The following PHEX variants were observed in gnomAD, a reference collection of about 807,000 sequenced individuals.
The protein encoded by PHEX is phosphate-regulating neutral endopeptidase PHEX.
Under a neutral mutation model 68.0 loss-of-function variants are expected in PHEX, and 16 were observed. The ratio of observed to expected loss-of-function variants is 0.24; its 90% CI spans 0.16 to 0.36. PHEX has a LOEUF of 0.36. Among genes scored for constraint, PHEX ranks in the 10% least tolerant of loss-of-function variants. The pLI, the probability that PHEX is intolerant of heterozygous loss-of-function variation, is 1.00. For missense variants in PHEX, 480 were observed against 575.5 expected, an observed-to-expected ratio of 0.83 and a Z score of 1.70; for synonymous variants, 208 against 205.1, an observed-to-expected ratio of 1.01 and a Z score of -0.12.
Position 22,154,694 on chromosome X carries a change from C to T in PHEX, c.1405-13618C>T, listed in dbSNP as rs1173277933. 1.8e-5 allele frequency among the ~76,000 whole-genome samples: 2 copies of T among 111,541 alleles called. 1 individual carries two copies. The highest frequency in any genetic ancestry group is 6.5e-5 in the African/African-American group (2 of 30,685). ...CTCATTATAATGCAGATTCCTGGGT[C>T]CCAGTTCAGAAGCATTCTAACTCAA... On this transcript the variant is annotated intron_variant, in intron 12 of 21. Transcript: ENST00000379374.
At chrX:22,191,804 C>T in intron 15 of PHEX, among the ~76,000 whole-genome samples, 1 of 112,079 alleles carries the variant, frequency 8.9e-6, no homozygotes, top group East Asian at 2.8e-4. Flanking sequence ...GCAAAATAAC[C>T]TACATATTCC....
chrX:22,126,932 G>C (rs1215582617), intron 11 of PHEX, among the ~76,000 whole-genome samples: 1 of 99,720 alleles, frequency 1.0e-5, no homozygotes, highest in Non-Finnish European at 2.0e-5. Flanking sequence ...AGTGCAGTGG[G>C]GTGATCTCAG....
chrX:22,241,846 G>A (rs1489860718), intron 20 of PHEX, among the ~76,000 whole-genome samples: 1 of 111,965 alleles, frequency 8.9e-6, no homozygotes, highest in Non-Finnish European at 1.9e-5. Flanking sequence ...TCGACCAGAG[G>A]TACAAAGAGG....
chrX:22,246,309 C>A, intron 21 of PHEX, among the ~76,000 whole-genome samples: 1 of 111,962 alleles, frequency 8.9e-6, no homozygotes, highest in Non-Finnish European at 1.9e-5. Context: ...TTGTTTAGGG[C>A]ATTATATCTG....
chrX:22,092,752 T>TTTTC (rs1556024144), intron 6 of PHEX, among the ~76,000 whole-genome samples: 2 of 81,350 alleles, frequency 2.5e-5, no homozygotes, highest in African/African-American at 1.4e-4. Flanking sequence ...TTTCTTTCTT[T>TTTTC]TTTTTTTTTT....
chrX:22,083,370 A>G (rs1929480935), intron 5 of PHEX, among the ~76,000 whole-genome samples: 1 of 111,847 alleles, frequency 8.9e-6, no homozygotes, highest in African/African-American at 3.2e-5. Context: ...GTTCCATATA[A>G]AATTTAGGAT....
chrX:22,115,508 AC>A (rs1479612565), intron 11 of PHEX, among the ~76,000 whole-genome samples: 1 of 111,766 alleles, frequency 8.9e-6, no homozygotes, highest in Non-Finnish European at 1.9e-5. Context: ...ATTATTAGTA[AC>A]TATAGTCACC....
At chrX:22,118,339 C>CAAAAAA (rs1157170753) in intron 11 of PHEX, among the ~76,000 whole-genome samples, 20 of 21,119 alleles carry the variant, frequency 9.5e-4, no homozygotes, top group African/African-American at 2.6e-3. Context: ...TAAACAGCAC[C>CAAAAAA]AAAAAAAAAA....
intron 2 of PHEX, among the ~76,000 whole-genome samples, chrX:22,041,265 C>CTATATATATATATATATA (rs556410356): frequency 4.1e-5 from 3 of 72,825 alleles, no homozygotes; most frequent in African/African-American, 1.9e-4. Context: ...CTCTCTCTCT[C>CTATATATATATATATATA]TATATATATA....
In PHEX at chrX:22,247,964, G is replaced by A. The variant is rs1254947670; in HGVS notation, c.*11G>A. 1.8e-5 allele frequency: 20 copies of A among 1,133,917 alleles called. No homozygotes were observed. The highest frequency in any genetic ancestry group is 1.3e-4 in the African/African-American group (7 of 55,824). 93.4% of individuals were successfully genotyped at this position (1,133,917 alleles called of 1,213,427 possible). On this transcript the variant is annotated 3_prime_UTR_variant, in exon 22 of 22. Transcript: ENST00000379374. The stretch of plus-strand genomic sequence containing the variant: ...TGCCGACTCTGGTAGCTGGGACGCT[G>A]GTTTATGGCATCCTGAGACAGTTGC...
chrX:22,104,328 G>T (rs992976805), intron 9 of PHEX, among the ~76,000 whole-genome samples: 1 of 110,533 alleles, frequency 9.0e-6, no homozygotes, highest in Non-Finnish European at 1.9e-5. Flanking sequence ...TCCTCCAGTG[G>T]TGGTGGTGCC....
intron 12 of PHEX, among the ~76,000 whole-genome samples, chrX:22,160,545 G>A (rs1367037673): frequency 2.4e-4 from 17 of 69,411 alleles, no homozygotes; most frequent in Non-Finnish European, 4.1e-4. Context: ...GTGAAACTCC[G>A]TCTCAAAAAA....
At chrX:22,145,471 C>A (rs886202245) in intron 12 of PHEX, among the ~76,000 whole-genome samples, 13 of 111,304 alleles carry the variant, frequency 1.2e-4, no homozygotes, top group Admixed American at 9.6e-5. Flanking sequence ...CAAAAATTAG[C>A]CAGGCATGGT....
chrX:22,226,549 C>T (rs1173103794), intron 19 of PHEX, 41 bp downstream of exon 19: 6 of 965,587 alleles, frequency 6.2e-6, no homozygotes, highest in Non-Finnish European at 7.4e-6. Context: ...AAAATCAAGC[C>T]ATAAAACACC....
intron 14 of PHEX, among the ~76,000 whole-genome samples, chrX:22,179,989 A>G (rs1430357001): frequency 9.7e-6 from 1 of 103,576 alleles, no homozygotes; most frequent in African/African-American, 3.6e-5. Context: ...CTGGATTCTG[A>G]TTTATTTTTC....
At chrX:22,033,177 T>C (rs887200561) in intron 1 of PHEX, 54 bp downstream of exon 1, 2 of 877,524 alleles carry the variant, frequency 2.3e-6, no homozygotes, top group African/African-American at 3.9e-5. Context: ...GAAGTTTCCT[T>C]GTGCTTTATT....
intron 14 of PHEX, among the ~76,000 whole-genome samples, chrX:22,186,115 G>A (rs1934026729): frequency 9.0e-6 from 1 of 111,573 alleles, no homozygotes; most frequent in African/African-American, 3.3e-5. Flanking sequence ...TCATATGGAA[G>A]GCTACCTCTC....
chrX:22,081,654 A>C (rs918603644), intron 5 of PHEX, among the ~76,000 whole-genome samples: 1 of 111,349 alleles, frequency 9.0e-6, no homozygotes, highest in Non-Finnish European at 1.9e-5. Flanking sequence ...TCCCCATGCC[A>C]AAGACATGCA....
intron 15 of PHEX, among the ~76,000 whole-genome samples, chrX:22,207,618 AAAAT>A (rs1466904337): frequency 1.8e-5 from 2 of 111,404 alleles, no homozygotes; most frequent in African/African-American, 6.5e-5. Flanking sequence ...ATAAATAACT[AAAAT>A]AAGAAATAGG....
Sources: gnomAD v4.1 joint callset for allele counts (sites outside exome capture counted in the v4.1 genomes callset) on GRCh38, gnomAD v4.1.1 for gene constraint, MANE v1.5 for transcripts, NCBI Gene and HGNC (gene_info 2026-07-23, HGNC 2026-07-21) for gene names.